Variants in LATS2 observed in about 807,000 individuals in gnomAD.
The protein encoded by LATS2 is large tumor suppressor kinase 2.
In LATS2, 24 loss-of-function variants were observed where a neutral mutation model predicts 76.0. The ratio of observed to expected loss-of-function variants is 0.32; its 90% CI spans 0.23 to 0.44. The LOEUF is 0.44. Ranked by LOEUF, LATS2 falls within the 20% of genes least tolerant of loss-of-function variation. The pLI, the probability that LATS2 is intolerant of heterozygous loss-of-function variation, is 1.00. For missense variants in LATS2, 1,286 were observed against 1,481.2 expected, an observed-to-expected ratio of 0.87 and a Z score of 2.16; for synonymous variants, 692 against 635.4, an observed-to-expected ratio of 1.09 and a Z score of -1.34.
At chr13:21,006,546 G>A (rs560274366) in intron 2 of LATS2, among the ~76,000 whole-genome samples, 1 of 152,338 alleles carries the variant, frequency 6.6e-6, no homozygotes, top group South Asian at 2.1e-4. Flanking sequence ...CAGATTAAAT[G>A]TGACTCCGGA....
intron 2 of LATS2, among the ~76,000 whole-genome samples, chr13:20,995,773 T>C (rs902329034): frequency 1.4e-4 from 22 of 152,218 alleles, no homozygotes; most frequent in Non-Finnish European, 2.8e-4. Context: ...TTATCTAGTT[T>C]GCACACGTGC....
intron 2 of LATS2, among the ~76,000 whole-genome samples, chr13:21,034,014 A>C (rs913016045): frequency 6.6e-6 from 1 of 152,110 alleles, no homozygotes; most frequent in Non-Finnish European, 1.5e-5. Context: ...TCTTATTATT[A>C]AGTAAAGCAC....
intron 2 of LATS2, among the ~76,000 whole-genome samples, chr13:20,996,367 G>A (rs905959320): frequency 3.5e-5 from 5 of 144,722 alleles, no homozygotes; most frequent in Non-Finnish European, 7.5e-5. Flanking sequence ...CTACATTAGA[G>A]TGGTAGAAGA....
intron 4 of LATS2, among the ~76,000 whole-genome samples, chr13:20,986,428 C>A (rs1364772675): frequency 6.6e-6 from 1 of 152,150 alleles, no homozygotes; most frequent in Admixed American, 6.5e-5. Flanking sequence ...CCATGGGATA[C>A]TATTCAGCCA....
intron 1 of LATS2, among the ~76,000 whole-genome samples, chr13:21,048,607 G>A (rs1281978619): frequency 1.3e-5 from 2 of 152,038 alleles, no homozygotes; most frequent in African/African-American, 2.4e-5. Flanking sequence ...CAAGGCGGGC[G>A]GATCATCTGA....
rs759368766 is a variant in LATS2 at position 20,988,749 on chromosome 13, G to A, written c.1031C>T (p.Pro344Leu). The A allele has an allele frequency of 2.3e-5, 37 of 1,577,498 alleles. No homozygotes were observed. The highest frequency in any genetic ancestry group is 1.7e-4 in the African/African-American group (13 of 74,372). The change falls in exon 4 of 8, where the codon CCG (proline) becomes CTG (leucine). Residue 344 changes from proline (P) to leucine (L), a missense_variant. By Grantham distance (98) the Pro-to-Leu change is moderately conservative. Coordinates refer to ENST00000382592, the MANE Select transcript of LATS2 (RefSeq NM_014572.3). ...CCGCGAGGGAGTGAGCAGGCTCTGC[G>A]GGGGGCTGTCGCTGGCGAACACCTG... The part of the protein sequence containing the change: ...RSQVFASDSP[P>L]QSLLTPSRNS...
intron 2 of LATS2, among the ~76,000 whole-genome samples, chr13:21,019,298 G>GTTATTA (rs72479904): frequency 1.2e-3 from 171 of 144,560 alleles, no homozygotes; most frequent in East Asian, 4.9e-3. Flanking sequence ...ACTTGGATTT[G>GTTATTA]TTATTATTAT....
intron 1 of LATS2, among the ~76,000 whole-genome samples, chr13:21,048,470 T>C (rs1322790198): frequency 1.3e-5 from 2 of 152,154 alleles, no homozygotes; most frequent in Non-Finnish European, 2.9e-5. Flanking sequence ...ATGCTCAAAA[T>C]ACATTCACTC....
intron 6 of LATS2, among the ~76,000 whole-genome samples, chr13:20,980,952 T>A (rs1378977798): frequency 6.6e-6 from 1 of 152,230 alleles, no homozygotes; most frequent in African/African-American, 2.4e-5. Context: ...GAGGCAAATG[T>A]TATGAGCACT....
intron 4 of LATS2, among the ~76,000 whole-genome samples, chr13:20,986,199 CTAT>C (rs1870135348): frequency 6.6e-6 from 1 of 152,116 alleles, no homozygotes; most frequent in South Asian, 2.1e-4. Flanking sequence ...GTTAGAACGA[CTAT>C]TATCAAAAAG....
At position 21,009,790 on chromosome 13, in the gene LATS2, G is replaced by C. The variant is rs574995539; in HGVS notation, c.343-18386C>G. ...AGGGCAGTGAGGATGAGGTATGGGT[G>C]GAAAAAGAGGCCTCCCTGGAGGTCT... On this transcript the variant is annotated intron_variant, in intron 2 of 7. Coordinates refer to ENST00000382592, the MANE Select transcript of LATS2 (RefSeq NM_014572.3). Among the ~76,000 whole-genome samples the C allele has an allele frequency of 3.5e-3, 540 of 152,300 alleles. 3 individuals are homozygous for C. The highest frequency in any genetic ancestry group is 4.7e-3 in the Non-Finnish European group (321 of 68,028).
At position 21,046,109 on chromosome 13, in the gene LATS2, A is replaced by C; in HGVS notation, c.-83T>G. 2.1e-6 allele frequency: 2 copies of C among 932,244 alleles called. No individual in the cohort carries two copies. The highest frequency in any genetic ancestry group is 1.8e-5 in the South Asian group (1 of 55,452). The allele number at this position is 932,244 out of a possible 1,614,324, so 57.7% of individuals were successfully genotyped here. The stretch of plus-strand genomic sequence containing the variant: ...AAAAAAAAAAACTGTCAATAGTATC[A>C]GTTTGTTGTAAACATACTTTCAAAA... On this transcript the variant is annotated 5_prime_UTR_variant, in exon 2 of 8. The change abolishes the stop of an existing upstream ORF in the 5' untranslated region. Transcript: ENST00000382592.
intron 2 of LATS2, among the ~76,000 whole-genome samples, chr13:20,995,002 A>C (rs1870688110): frequency 6.6e-6 from 1 of 152,140 alleles, no homozygotes; most frequent in Non-Finnish European, 1.5e-5. Context: ...GAGGCCACAC[A>C]CCTAGGTTCA....
chr13:21,030,953 G>A (rs1052701560), intron 2 of LATS2, among the ~76,000 whole-genome samples: 29 of 150,070 alleles, frequency 1.9e-4, no homozygotes, highest in African/African-American at 6.1e-4. Context: ...ATGTCTTTAC[G>A]ACACTTTCAT....
chr13:20,987,910 T>G lies in LATS2; in HGVS notation c.1870A>C (p.Arg624=). The part of the protein sequence containing the change: ...IKTYQQKVNR[R]LQLEQEMAKA... ...GCCATTTCTTGCTCCAGCTGCAGCC[T>G]CCGGTTAACCTTCTGCTGGTAGGTT... Residue 624 remains arginine (R), a synonymous_variant, in exon 4 of 8, where the codon AGG becomes CGG. Transcript: ENST00000382592. 1 of 1,613,380 alleles carries G rather than the reference T, an allele frequency of 6.2e-7. No homozygotes were observed. The highest frequency in any genetic ancestry group is 8.5e-7 in the Non-Finnish European group (1 of 1,179,472).
chr13:21,007,571 A>ATAG (rs1555225437), intron 2 of LATS2, among the ~76,000 whole-genome samples: 4 of 18,498 alleles, frequency 2.2e-4, no homozygotes, highest in African/African-American at 6.5e-4. Context: ...ATATATATAT[A>ATAG]TATATATATA....
At chr13:21,028,185 T>A (rs1204320715) in intron 2 of LATS2, among the ~76,000 whole-genome samples, 2 of 152,112 alleles carry the variant, frequency 1.3e-5, no homozygotes, top group East Asian at 3.9e-4. Context: ...CGGTGTTTGG[T>A]TTTTTGTCCT....
chr13:21,047,424 G>T (rs965184365), intron 1 of LATS2, among the ~76,000 whole-genome samples: 8 of 152,266 alleles, frequency 5.3e-5, no homozygotes, highest in African/African-American at 1.9e-4. Flanking sequence ...TCTAACCCAG[G>T]GAAGGTGCCC....
At chr13:21,007,903 A>T (rs1259853127) in intron 2 of LATS2, among the ~76,000 whole-genome samples, 3 of 146,452 alleles carry the variant, frequency 2.0e-5, no homozygotes, top group East Asian at 2.0e-4. Flanking sequence ...GGAATTACAG[A>T]TGCGAATCAT....
Sources: allele counts gnomAD v4.1 joint callset (sites outside exome capture counted in the v4.1 genomes callset), GRCh38; gene constraint gnomAD v4.1.1; transcripts MANE v1.5; gene names NCBI Gene and HGNC (gene_info 2026-07-23, HGNC 2026-07-21).